CDK14: variants seen among roughly 807,000 people sequenced by gnomAD.
CDK14 encodes cyclin dependent kinase 14, also known as cyclin-dependent kinase 14.
Under a neutral mutation model 60.7 loss-of-function variants are expected in CDK14, and 34 were observed. The observed-to-expected ratio is 0.56, with a 90% CI of 0.43 to 0.75. The LOEUF (loss-of-function observed/expected upper bound fraction) is 0.75. Among genes scored for constraint, CDK14 ranks in the 30% least tolerant of loss-of-function variants. The probability of loss-of-function intolerance (pLI) is 0.00; values close to 1 mark genes in which losing one functional copy is unlikely to be tolerated. For missense variants in CDK14, 482 were observed against 564.1 expected, an observed-to-expected ratio of 0.85 and a Z score of 1.47; for synonymous variants, 197 against 203.7, an observed-to-expected ratio of 0.97 and a Z score of 0.28.
At chr7:91,193,414 C>G (rs7796471) in intron 14 of CDK14, among the ~76,000 whole-genome samples, 11,207 of 152,172 alleles carry the variant, frequency 0.074, 475 homozygotes, top group Admixed American at 0.15. Context: ...AATCTGAGTT[C>G]TTTGTGTCTG....
At chr7:91,194,506 T>C (rs956685035) in intron 14 of CDK14, among the ~76,000 whole-genome samples, 1 of 152,026 alleles carries the variant, frequency 6.6e-6, no homozygotes, top group Non-Finnish European at 1.5e-5. Context: ...TGGGGGTTTT[T>C]CCCCCCAGGA....
At chr7:90,951,215 C>A (rs1490719016) in intron 8 of CDK14, among the ~76,000 whole-genome samples, 3 of 152,082 alleles carry the variant, frequency 2.0e-5, no homozygotes, top group South Asian at 2.1e-4. Flanking sequence ...GATAAAGGAA[C>A]CTTTCTCCTA....
intron 2 of CDK14, among the ~76,000 whole-genome samples, chr7:90,648,485 G>A (rs1224700132): frequency 6.6e-6 from 1 of 152,086 alleles, no homozygotes; most frequent in African/African-American, 2.4e-5. Context: ...GGTATGGGAG[G>A]GGGCTACACA....
At chr7:90,881,268 A>C (rs1212942673) in intron 6 of CDK14, among the ~76,000 whole-genome samples, 1 of 152,216 alleles carries the variant, frequency 6.6e-6, no homozygotes, top group African/African-American at 2.4e-5. Flanking sequence ...ATGGAGCTGA[A>C]AAACACCTCA....
intron 2 of CDK14, among the ~76,000 whole-genome samples, chr7:90,621,663 T>TCCTTCCTTCCTTCCTG (rs1563018781): frequency 8.0e-5 from 9 of 112,706 alleles, no homozygotes; most frequent in East Asian, 7.9e-4. Flanking sequence ...CTTCCTTCCT[T>TCCTTCCTTCCTTCCTG]CCTTCCTGCC....
chr7:90,746,936 G>T (rs774256796), intron 3 of CDK14, among the ~76,000 whole-genome samples: 3 of 152,152 alleles, frequency 2.0e-5, no homozygotes, highest in Non-Finnish European at 4.4e-5. Context: ...GGTATCAGAA[G>T]AGTACCTTTA....
chr7:90,607,759 T>G (rs769158473), intron 2 of CDK14, among the ~76,000 whole-genome samples: 7 of 152,218 alleles, frequency 4.6e-5, no homozygotes, highest in South Asian at 2.1e-4. Flanking sequence ...AGAGGGGACA[T>G]TCTATGAATG....
intron 14 of CDK14, among the ~76,000 whole-genome samples, chr7:91,149,166 T>C (rs1401595748): frequency 1.3e-5 from 2 of 152,130 alleles, no homozygotes; most frequent in African/African-American, 4.8e-5. Flanking sequence ...GTAACAGATA[T>C]GAGATGTTAT....
intron 10 of CDK14, among the ~76,000 whole-genome samples, chr7:90,993,020 G>A (rs1795583147): frequency 1.3e-5 from 2 of 152,138 alleles, no homozygotes; most frequent in Admixed American, 1.3e-4. Flanking sequence ...TTCTGTTTTG[G>A]AGAGTAGATG....
chr7:91,174,976 G>C (rs1309879111), intron 14 of CDK14, among the ~76,000 whole-genome samples: 1 of 146,246 alleles, frequency 6.8e-6, no homozygotes, highest in Non-Finnish European at 1.5e-5. Flanking sequence ...GATACTCCTT[G>C]AGAAGAGCAA....
chr7:91,037,331 G>C (rs1346055107), intron 10 of CDK14, among the ~76,000 whole-genome samples: 1 of 152,150 alleles, frequency 6.6e-6, no homozygotes, highest in Non-Finnish European at 1.5e-5. Context: ...AAATCCTGAA[G>C]AGGATGATAC....
At chr7:91,008,294 G>C (rs1384635677) in intron 10 of CDK14, among the ~76,000 whole-genome samples, 2 of 152,122 alleles carry the variant, frequency 1.3e-5, no homozygotes, top group Non-Finnish European at 2.9e-5. Flanking sequence ...TGGCTGGCGG[G>C]ATAACCAGAA....
At chr7:91,094,319 G>T (rs1246937035) in intron 12 of CDK14, among the ~76,000 whole-genome samples, 1 of 151,862 alleles carries the variant, frequency 6.6e-6, no homozygotes, top group Non-Finnish European at 1.5e-5. Flanking sequence ...ATATTTTCAG[G>T]GATGTACTCT....
chr7:90,821,842 A>T (rs1789561709), intron 5 of CDK14, among the ~76,000 whole-genome samples: 1 of 152,074 alleles, frequency 6.6e-6, no homozygotes. Flanking sequence ...GTCTCCCTCC[A>T]GTCCATTAAG....
At chr7:91,180,569 T>A (rs1285077144) in intron 14 of CDK14, among the ~76,000 whole-genome samples, 1 of 152,214 alleles carries the variant, frequency 6.6e-6, no homozygotes, top group Non-Finnish European at 1.5e-5. Flanking sequence ...GAATTGTTTT[T>A]TTGCTCATTT....
chr7:91,084,006 A>C (rs1053235944), intron 12 of CDK14, among the ~76,000 whole-genome samples: 2 of 152,224 alleles, frequency 1.3e-5, no homozygotes, highest in Non-Finnish European at 2.9e-5. Flanking sequence ...AGCCTTTTGC[A>C]ATGTACATTG....
chr7:90,951,010 A>T (rs1471806692), intron 8 of CDK14, among the ~76,000 whole-genome samples: 1 of 152,210 alleles, frequency 6.6e-6, no homozygotes, highest in African/African-American at 2.4e-5. Flanking sequence ...AGGAGGGAGA[A>T]TATTCCATTA....
chr7:90,955,702 G>C lies in CDK14; in HGVS notation c.832G>C (p.Ala278Pro). 6.2e-7 allele frequency: 1 copy of C among 1,613,180 alleles called. No individual in the cohort carries two copies. Among genetic ancestry groups the C allele is most frequent in the South Asian group, 1.1e-5 (1 of 91,068 alleles). Residue 278 changes from alanine to proline, a missense_variant, in exon 9 of 15, where the codon GCA becomes CCA. By Grantham distance (27) the Ala-to-Pro change is conservative (BLOSUM62 -1). Transcript: ENST00000380050. ...ATGTTTCATATAACCCACAGGTCTT[G>C]CAAGAGCAAAATCCGTCCCTAGCCA... The part of the protein sequence containing the change: ...GELKLADFGL[A>P]RAKSVPSHTY...
chr7:90,689,419 AC>A (rs1005892073), intron 2 of CDK14, among the ~76,000 whole-genome samples: 2 of 152,114 alleles, frequency 1.3e-5, no homozygotes, highest in African/African-American at 2.4e-5. Context: ...TGGGTAGGGA[AC>A]CTCTTAAGAT....
Sources: gnomAD v4.1 joint callset for allele counts (sites outside exome capture counted in the v4.1 genomes callset) on GRCh38, gnomAD v4.1.1 for gene constraint, MANE v1.5 for transcripts, NCBI Gene and HGNC (gene_info 2026-07-23, HGNC 2026-07-21) for gene names.